The following ARHGAP32 variants were observed in gnomAD, a reference collection of about 807,000 sequenced individuals.
The protein encoded by ARHGAP32 is Rho GTPase activating protein 32.
A neutral mutation model predicts 186.5 loss-of-function variants in ARHGAP32; 51 were observed. The ratio of observed to expected loss-of-function variants is 0.27; its 90% CI spans 0.22 to 0.35. The LOEUF is 0.35. ARHGAP32 is among the 10% of genes least tolerant of loss of function. The pLI, the probability that ARHGAP32 is intolerant of heterozygous loss-of-function variation, is 1.00. For missense variants in ARHGAP32, 2,186 were observed against 2,623.5 expected, an observed-to-expected ratio of 0.83 and a Z score of 3.64; for synonymous variants, 950 against 964.3, an observed-to-expected ratio of 0.99 and a Z score of 0.27.
intron 5 of ARHGAP32, among the ~76,000 whole-genome samples, chr11:129,108,982 C>T (rs751564458): frequency 6.6e-6 from 1 of 152,094 alleles, no homozygotes. Flanking sequence ...TAACTATAGT[C>T]ATCCTACTCT....
chr11:129,055,354 C>A (rs1175512575), intron 10 of ARHGAP32, among the ~76,000 whole-genome samples: 1 of 152,168 alleles, frequency 6.6e-6, no homozygotes, highest in Non-Finnish European at 1.5e-5. Context: ...ATGATACAGG[C>A]ACTTTGGCAG....
At chr11:129,260,306 TATC>T (rs1331795957) in intron 1 of ARHGAP32, among the ~76,000 whole-genome samples, 2 of 152,214 alleles carry the variant, frequency 1.3e-5, no homozygotes, top group Non-Finnish European at 2.9e-5. Context: ...TATGATTTCT[TATC>T]ATAATTATCA....
At chr11:128,989,353 C>T (rs369556854) in intron 12 of ARHGAP32, among the ~76,000 whole-genome samples, 27 of 152,092 alleles carry the variant, frequency 1.8e-4, no homozygotes, top group African/African-American at 6.5e-4. Flanking sequence ...CAGAGATATC[C>T]TACAAGGAAA....
chr11:129,153,835 A>G (rs1475777093), intron 2 of ARHGAP32, among the ~76,000 whole-genome samples: 3 of 152,148 alleles, frequency 2.0e-5, no homozygotes, highest in African/African-American at 7.2e-5. Context: ...AAAGAGTTCA[A>G]GACCAAGAAC....
intron 11 of ARHGAP32, among the ~76,000 whole-genome samples, chr11:129,006,739 T>C (rs1937795296): frequency 6.6e-6 from 1 of 152,142 alleles, no homozygotes; most frequent in African/African-American, 2.4e-5. Context: ...GGCTACTGCC[T>C]GTGTTTGTTC....
At chr11:129,063,824 A>G in intron 9 of ARHGAP32, 78 bp downstream of exon 9, 4 of 1,409,430 alleles carry the variant, frequency 2.8e-6, no homozygotes, top group East Asian at 4.9e-5. Context: ...AAAATTAAGG[A>G]AATGGTTAAG....
At chr11:129,270,935 T>C (rs1945465482) in intron 1 of ARHGAP32, among the ~76,000 whole-genome samples, 1 of 152,090 alleles carries the variant, frequency 6.6e-6, no homozygotes, top group Non-Finnish European at 1.5e-5. Flanking sequence ...CTCTACCCAC[T>C]AGATGCCAGT....
In ARHGAP32 at chr11:128,972,417, G is replaced by T. The variant is rs753407549; in HGVS notation, c.4053+36C>A. 7 of 1,502,988 alleles carry T rather than the reference G, an allele frequency of 4.7e-6. No individual in the cohort carries two copies. The South Asian group carries it at 9.9e-5, about 21-fold the overall frequency. The allele number at this position is 1,502,988 out of a possible 1,614,324, so 93.1% of individuals were successfully genotyped here. ...GAAAAGTGACATACCTTTGGTAATA[G>T]TATATTTCATCTCACTGATATCTTC... On this transcript the variant is annotated intron_variant, in intron 22 of 22. Coordinates refer to ENST00000682385, the MANE Select transcript of ARHGAP32 (RefSeq NM_001378024.1).
chr11:129,231,328 C>T (rs915700126), intron 1 of ARHGAP32, among the ~76,000 whole-genome samples: 1 of 152,098 alleles, frequency 6.6e-6, no homozygotes, highest in Middle Eastern at 3.4e-3. Context: ...TCAGTACAGA[C>T]GCACTTTTTT....
Position 128,969,323 on chromosome 11 carries a change from G to A in ARHGAP32, c.5890C>T (p.Arg1964Ter), listed in dbSNP as rs543689971. The change falls in exon 23 of 23, where the codon CGA becomes TGA. Residue 1964 changes from arginine (R) to a stop codon, truncating the protein, a stop_gained. Transcript: ENST00000682385. LOFTEE classifies it high-confidence loss of function. The surrounding 1 kb of genome is among the most constrained non-coding windows in gnomAD (Gnocchi z 4.8). Reference protein sequence around the residue: ...KEVRLSKEMERPWVRQPSAPE... With the variant: ...KEVRLSKEME ...GCAGAAGGCTGCCTAACCCAGGGTC[G>A]CTCCATCTCTTTGGAGAGCCTTACC... The A allele has an allele frequency of 1.9e-6, 3 of 1,614,064 alleles. No individual in the cohort carries two copies. Among genetic ancestry groups the A allele is most frequent in the Non-Finnish European group, 1.7e-6 (2 of 1,180,038 alleles).
chr11:129,088,763 C>T (rs537521961), intron 6 of ARHGAP32, among the ~76,000 whole-genome samples: 6 of 152,110 alleles, frequency 3.9e-5, no homozygotes, highest in African/African-American at 1.2e-4. Flanking sequence ...TTGCTACCAG[C>T]TGGGCACAAT....
Position 128,974,527 on chromosome 11 carries a change from T to C in ARHGAP32, c.2670A>G (p.Lys890=), listed in dbSNP as rs2136080949. 2 of 1,614,226 alleles carry C rather than the reference T, an allele frequency of 1.2e-6. No individual in the cohort carries two copies. The highest frequency in any genetic ancestry group is 2.2e-5 in the East Asian group (1 of 44,888). The change falls in exon 21 of 23, where the codon AAA becomes AAG. Residue 890 remains lysine, a synonymous_variant. Transcript: ENST00000682385. Reference sequence around the variant, plus strand: ...CAGTAAAGGAGGATGGCTTAGATGATTTATCTTCAGTTGGGCTCAAGTCCA... The same window carrying C: ...CAGTAAAGGAGGATGGCTTAGATGACTTATCTTCAGTTGGGCTCAAGTCCA... ...FTLDLSPTED[K]SSKPSSFTEK...
rs150226280 is a variant in ARHGAP32 at position 128,968,978 on chromosome 11, A to G, written c.6235T>C (p.Leu2079=). ...GCGGGCAGGAAGGCCCCTTGACCCAACGCTGTAGCATAGGTCCTGCTCTGT... is the reference window on the plus strand; with the variant it reads ...GCGGGCAGGAAGGCCCCTTGACCCAGCGCTGTAGCATAGGTCCTGCTCTGT... ...HPQSRTYATA[L]GQGAFLPAEL... Residue 2079 remains leucine, a synonymous_variant, in exon 23 of 23, where the codon TTG becomes CTG. Transcript: ENST00000682385. 5.0e-6 allele frequency: 8 copies of G among 1,591,946 alleles called. No homozygotes were observed. In the African/African-American group the frequency reaches 8.1e-5, roughly 16 times the overall value.
chr11:129,271,583 G>A (rs548693321), intron 1 of ARHGAP32, among the ~76,000 whole-genome samples: 32 of 152,162 alleles, frequency 2.1e-4, no homozygotes, highest in Non-Finnish European at 4.1e-4. Context: ...GAGCGCAAGG[G>A]GGAAAAAAGT....
At chr11:129,085,673 T>C (rs1011372509) in intron 6 of ARHGAP32, among the ~76,000 whole-genome samples, 5 of 151,982 alleles carry the variant, frequency 3.3e-5, no homozygotes, top group African/African-American at 1.2e-4. Context: ...AAAACAAAGT[T>C]GGAAGGCTGA....
At chr11:129,070,031 T>C (rs2135171973) in intron 6 of ARHGAP32, among the ~76,000 whole-genome samples, 1 of 152,112 alleles carries the variant, frequency 6.6e-6, no homozygotes, top group Admixed American at 6.6e-5. Context: ...AATAGATTTC[T>C]AGAGCTACAT....
intron 1 of ARHGAP32, among the ~76,000 whole-genome samples, chr11:129,261,128 T>C (rs186896596): frequency 1.7e-4 from 26 of 149,996 alleles, no homozygotes; most frequent in African/African-American, 6.1e-4. Flanking sequence ...GAGCTTAGAG[T>C]GGAGAGAAAC....
chr11:129,132,262 T>C (rs184030009), intron 2 of ARHGAP32, among the ~76,000 whole-genome samples: 84 of 152,278 alleles, frequency 5.5e-4, no homozygotes, highest in African/African-American at 1.9e-3. Context: ...GAAGATCGCT[T>C]GAATCCAGCA....
intron 1 of ARHGAP32, among the ~76,000 whole-genome samples, chr11:129,258,328 C>T (rs907666537): frequency 6.6e-6 from 1 of 152,134 alleles, no homozygotes; most frequent in Non-Finnish European, 1.5e-5. Context: ...ATCTGTGAGC[C>T]ATTTAAAGAT....
Sources: gnomAD v4.1 joint callset for allele counts (sites outside exome capture counted in the v4.1 genomes callset) on GRCh38, gnomAD v4.1.1 for gene constraint, Gnocchi (gnomAD v3.1) non-coding constraint, MANE v1.5 for transcripts, NCBI Gene and HGNC (gene_info 2026-07-23, HGNC 2026-07-21) for gene names.